ADAMTSL1: variants seen among roughly 807,000 people sequenced by gnomAD.
The protein encoded by ADAMTSL1 is ADAMTS-like protein 1.
A neutral mutation model predicts 201.8 loss-of-function variants in ADAMTSL1; 126 were observed. That is an observed-to-expected ratio of 0.62 (90% CI 0.54 to 0.72). The LOEUF is 0.72. Among genes scored for constraint, ADAMTSL1 ranks in the 30% least tolerant of loss-of-function variants. The probability of loss-of-function intolerance (pLI) is 0.00; values close to 1 mark genes in which losing one functional copy is unlikely to be tolerated. For synonymous variants in ADAMTSL1, 1,121 were observed against 903.4 expected, an observed-to-expected ratio of 1.24 and a Z score of -4.32; for missense variants, 2,679 against 2,277.8, an observed-to-expected ratio of 1.18 and a Z score of -3.59.
chr9:18,876,310 G>GTA lies in ADAMTSL1; in HGVS notation c.4250-11520_4250-11519insAT, dbSNP rs201833283. Among the ~76,000 whole-genome samples, 16 of 151,184 alleles carry GTA rather than the reference G, an allele frequency of 1.1e-4. 1 individual carries two copies. Among genetic ancestry groups the GTA allele is most frequent in the Admixed American group, 6.6e-4 (10 of 15,146 alleles). On this transcript the variant is annotated intron_variant, in intron 23 of 28. Coordinates refer to ENST00000380548, the MANE Select transcript of ADAMTSL1 (RefSeq NM_001040272.6). ...AGTTGTTGCCTGAATACGTGTGTGTGTGTGTGTGTGTGTGTGTGTGCGTGA... is the reference window on the plus strand; with the variant it reads ...AGTTGTTGCCTGAATACGTGTGTGTGTATGTGTGTGTGTGTGTGTGTGCGTGA...
At chr9:18,221,940 G>T (rs746250865) in intron 2 of ADAMTSL1, among the ~76,000 whole-genome samples, 1 of 151,890 alleles carries the variant, frequency 6.6e-6, no homozygotes, top group Admixed American at 6.6e-5. Flanking sequence ...TTCAAGTTTA[G>T]TGTTTGTTTT....
At chr9:18,247,103 G>C (rs1831281776) in intron 2 of ADAMTSL1, among the ~76,000 whole-genome samples, 1 of 151,954 alleles carries the variant, frequency 6.6e-6, no homozygotes, top group Non-Finnish European at 1.5e-5. Flanking sequence ...ATGACAAAAG[G>C]GTTAAGAACA....
intron 16 of ADAMTSL1, among the ~76,000 whole-genome samples, chr9:18,758,741 C>G (rs951914706): frequency 6.6e-5 from 10 of 152,136 alleles, no homozygotes; most frequent in African/African-American, 2.4e-4. Context: ...AGTAAAGACC[C>G]TTTTATGCAC....
chr9:18,039,227 A>G (rs1225874053), intron 1 of ADAMTSL1, among the ~76,000 whole-genome samples: 1 of 152,228 alleles, frequency 6.6e-6, no homozygotes, highest in African/African-American at 2.4e-5. Flanking sequence ...TAGGTCTGGC[A>G]TATTTGTTTT....
chr9:18,274,881 A>G (rs1233397014), intron 2 of ADAMTSL1, among the ~76,000 whole-genome samples: 1 of 152,216 alleles, frequency 6.6e-6, no homozygotes, highest in Non-Finnish European at 1.5e-5. Context: ...TTTGGCCAAT[A>G]AAAGATCATT....
intron 1 of ADAMTSL1, among the ~76,000 whole-genome samples, chr9:18,050,401 C>A (rs1403218683): frequency 6.6e-6 from 1 of 151,980 alleles, no homozygotes; most frequent in Non-Finnish European, 1.5e-5. Flanking sequence ...ATGCTACCTT[C>A]CAAAAGTGAC....
intron 2 of ADAMTSL1, among the ~76,000 whole-genome samples, chr9:18,207,022 G>A (rs542778986): frequency 4.6e-5 from 7 of 151,994 alleles, no homozygotes; most frequent in Non-Finnish European, 8.8e-5. Context: ...AAAATTAGCT[G>A]GGCGTCGTGG....
Position 18,715,247 on chromosome 9 carries a change from G to A in ADAMTSL1, c.1877-6289G>A, listed in dbSNP as rs557585747. On this transcript the variant is annotated intron_variant, in intron 14 of 28. Transcript: ENST00000380548. ...TGGAAGTTCTGGCCAGGGCAATTAG[G>A]CAGGAGAAGGAAATAAAGGGTATTC... Among the ~76,000 whole-genome samples, 3 of 150,426 alleles carry A rather than the reference G, an allele frequency of 2.0e-5. No homozygotes were observed. In the Admixed American group the frequency reaches 2.0e-4, roughly 10 times the overall value.
At position 18,067,288 on chromosome 9, in the gene ADAMTSL1, C is replaced by G. The variant is rs1822748328; in HGVS notation, c.88-96574C>G. ...AAGGTCACAATAGAAATGATGATGC[C>G]TACTTTATTTGTTTTACTTACTTAA... On this transcript the variant is annotated intron_variant, in intron 1 of 29. Transcript: ENST00000680146. Among the ~76,000 whole-genome samples the G allele has an allele frequency of 2.6e-5, 4 of 152,034 alleles. No individual in the cohort carries two copies. In the South Asian group the frequency reaches 6.2e-4, roughly 24 times the overall value.
intron 1 of ADAMTSL1, among the ~76,000 whole-genome samples, chr9:17,968,463 G>A (rs747845230): frequency 2.0e-5 from 3 of 152,120 alleles, no homozygotes; most frequent in Non-Finnish European, 2.9e-5. Context: ...TGTCTCCTTG[G>A]CAAAGGTGAG....
At chr9:18,127,521 C>CACAA (rs775454693) in intron 1 of ADAMTSL1, among the ~76,000 whole-genome samples, 55 of 143,016 alleles carry the variant, frequency 3.8e-4, no homozygotes, top group African/African-American at 1.3e-3. Flanking sequence ...CACACACACA[C>CACAA]AACACATGCT....
At chr9:18,506,594 C>A (rs5013435) in intron 2 of ADAMTSL1, among the ~76,000 whole-genome samples, 84,245 of 151,636 alleles carry the variant, frequency 0.56, 23,857 homozygotes, top group Non-Finnish European at 0.61. Flanking sequence ...ATGCGAAATT[C>A]AAAAATAAAC....
At chr9:18,649,080 T>C (rs1209006789) in intron 7 of ADAMTSL1, among the ~76,000 whole-genome samples, 2 of 152,128 alleles carry the variant, frequency 1.3e-5, no homozygotes, top group Admixed American at 6.5e-5. Context: ...GGAGGCTTTG[T>C]TCGTTTCTTT....
chr9:18,276,615 G>T (rs962342255), intron 2 of ADAMTSL1, among the ~76,000 whole-genome samples: 1 of 152,200 alleles, frequency 6.6e-6, no homozygotes, highest in African/African-American at 2.4e-5. Flanking sequence ...TACAAGAAGC[G>T]TGCTGCCAGC....
chr9:18,294,269 A>T (rs536365632), intron 2 of ADAMTSL1, among the ~76,000 whole-genome samples: 88 of 152,346 alleles, frequency 5.8e-4, no homozygotes, highest in South Asian at 1.2e-3. Context: ...TGTATTTATA[A>T]ACTTAGAATT....
chr9:18,672,255 A>G (rs1441710163), intron 9 of ADAMTSL1, among the ~76,000 whole-genome samples: 3 of 151,966 alleles, frequency 2.0e-5, no homozygotes, highest in East Asian at 3.9e-4. Flanking sequence ...CACAGACTCA[A>G]TGATCTTGAA....
chr9:18,419,808 C>T (rs1040760918), intron 2 of ADAMTSL1, among the ~76,000 whole-genome samples: 1 of 148,688 alleles, frequency 6.7e-6, no homozygotes, highest in African/African-American at 2.5e-5. Flanking sequence ...TAGTTCACTG[C>T]AACCTCCGCC....
At position 18,474,239 on chromosome 9, in the gene ADAMTSL1, T is replaced by C. The variant is rs775997285; in HGVS notation, c.7T>C (p.Cys3Arg). 8.1e-6 allele frequency: 13 copies of C among 1,614,076 alleles called. No homozygotes were observed. The South Asian group carries it at 1.4e-4, about 18-fold the overall frequency. Residue 3 changes from cysteine to arginine, a missense_variant, in exon 1 of 29, where the codon TGC (cysteine) becomes CGC (arginine). Transcript: ENST00000380548. ...TTCCGGCAAGGATCCAAGCATGGAA[T>C]GCTGCCGTCGGGCAACTCCTGGCAC... MECCRRATPGTLL... is the reference protein window; with the variant it reads MERCRRATPGTLL...
intron 2 of ADAMTSL1, among the ~76,000 whole-genome samples, chr9:18,292,223 G>A (rs946160028): frequency 3.3e-5 from 5 of 152,082 alleles, no homozygotes; most frequent in Admixed American, 6.6e-5. Flanking sequence ...TCTAAGAACC[G>A]TTAATTTAGA....
Sources: allele counts gnomAD v4.1 joint callset (sites outside exome capture counted in the v4.1 genomes callset), GRCh38; gene constraint gnomAD v4.1.1; transcripts MANE v1.5; gene names NCBI Gene and HGNC (gene_info 2026-07-23, HGNC 2026-07-21).